PIK3R4: variants seen among roughly 807,000 people sequenced by gnomAD.
The protein encoded by PIK3R4 is phosphoinositide 3-kinase regulatory subunit 4.
PIK3R4 carries 46 observed loss-of-function variants against 136.5 expected under a neutral mutation model. That is an observed-to-expected ratio of 0.34 (90% CI 0.27 to 0.43). The LOEUF is 0.43. PIK3R4 is among the 20% of genes least tolerant of loss of function. The pLI is 1.00. For missense variants in PIK3R4, 1,331 were observed against 1,649.5 expected (o/e 0.81, Z 3.35); for synonymous variants, 557 against 566.7 (o/e 0.98, Z 0.24).
intron 2 of PIK3R4, among the ~76,000 whole-genome samples, chr3:130,744,206 T>A (rs978912521): frequency 3.3e-5 from 5 of 152,218 alleles, no homozygotes; most frequent in African/African-American, 1.2e-4. Context: ...GAAAATATAT[T>A]ATCCACCAAT....
At position 130,716,454 on chromosome 3, in the gene PIK3R4, T is replaced by A; in HGVS notation, c.2273A>T (p.Asp758Val). The change falls in exon 9 of 20, where the codon GAC becomes GTC. Residue 758 changes from aspartate (D) to valine (V), a missense_variant. Coordinates refer to ENST00000356763, the MANE Select transcript of PIK3R4 (RefSeq NM_014602.3). ...GGCAGGATCCTCTGGCGGAGGGCAG[T>A]CGGGAAGAGAACCATTTCGTTTCTT... ...RQKKRNGSLP[D>V]CPPPEDPAIA... 1 of 1,614,168 alleles carries A rather than the reference T, an allele frequency of 6.2e-7. No individual in the cohort carries two copies. The highest frequency in any genetic ancestry group is 8.5e-7 in the Non-Finnish European group (1 of 1,180,030).
Position 130,710,944 on chromosome 3 carries a change from T to C in PIK3R4, c.2332-2452A>G, listed in dbSNP as rs2066629496. Among the ~76,000 whole-genome samples the C allele has an allele frequency of 2.2e-5, 3 of 138,480 alleles. No individual in the cohort carries two copies. The South Asian group carries it at 6.8e-4, about 31-fold the overall frequency. The allele number at this position is 138,480 out of a possible 152,430, so 90.8% of individuals were successfully genotyped here. A position where few individuals can be genotyped will look rare whatever the true frequency, so the allele number is the denominator to read the frequency against. On this transcript the variant is annotated intron_variant, in intron 9 of 19. Transcript: ENST00000356763. ...ATGGAAAATGTGTAAGAATCAAGGA[T>C]AGCCAAGAAACTCTTGAAAAAGAAA...
chr3:130,679,776 A>C (rs2066444354), intron 19 of PIK3R4, among the ~76,000 whole-genome samples: 1 of 152,178 alleles, frequency 6.6e-6, no homozygotes. Flanking sequence ...AAGGGATAGA[A>C]TATAATTAAA....
At chr3:130,680,847 ATACCATTGGT>A in intron 18 of PIK3R4, 120 bp downstream of exon 18, 1 of 762,244 alleles carries the variant, frequency 1.3e-6, no homozygotes, top group Non-Finnish European at 2.2e-6. Flanking sequence ...ATAGAACAGC[ATACCATTGGT>A]TACAAATAAA....
intron 13 of PIK3R4, among the ~76,000 whole-genome samples, chr3:130,694,730 A>T (rs190386362): frequency 6.6e-6 from 1 of 152,242 alleles, no homozygotes. Context: ...GGCTACTAAC[A>T]GAAAGTTTTA....
chr3:130,729,862 T>C (rs2066752719), intron 5 of PIK3R4, among the ~76,000 whole-genome samples: 1 of 152,204 alleles, frequency 6.6e-6, no homozygotes, highest in Non-Finnish European at 1.5e-5. Context: ...ACAAGGACTT[T>C]GACATCAATA....
chr3:130,709,145 C>T (rs1011694329), intron 9 of PIK3R4, among the ~76,000 whole-genome samples: 1 of 152,124 alleles, frequency 6.6e-6, no homozygotes, highest in Non-Finnish European at 1.5e-5. Flanking sequence ...AAGATAATTA[C>T]TGGCACCCAT....
chr3:130,690,674 A>C lies in PIK3R4; in HGVS notation c.3099-20T>G. ...ATAGATCTGAATGAAAGAAAAATAA[A>C]ATTCATTTATGAACCAATGTCACTG... On this transcript the variant is annotated intron_variant, in intron 13 of 19. Coordinates refer to ENST00000356763, the MANE Select transcript of PIK3R4 (RefSeq NM_014602.3). 6.6e-7 allele frequency: 1 copy of C among 1,524,276 alleles called. No individual in the cohort carries two copies. Among genetic ancestry groups the C allele is most frequent in the Non-Finnish European group, 9.0e-7 (1 of 1,111,460 alleles). The allele number at this position is 1,524,276 out of a possible 1,614,324, so 94.4% of individuals were successfully genotyped here. A position where few individuals can be genotyped will look rare whatever the true frequency, so the allele number is the denominator to read the frequency against.
At chr3:130,719,425 C>T (rs2107613820) in intron 7 of PIK3R4, among the ~76,000 whole-genome samples, 1 of 152,222 alleles carries the variant, frequency 6.6e-6, no homozygotes, top group Admixed American at 6.5e-5. Context: ...CAATCATAGG[C>T]TAATAATACT....
intron 9 of PIK3R4, among the ~76,000 whole-genome samples, chr3:130,712,476 C>A (rs918114547): frequency 6.6e-6 from 1 of 151,994 alleles, no homozygotes; most frequent in Admixed American, 6.6e-5. Context: ...CATGACCAGC[C>A]TGACCAACAT....
At chr3:130,731,357 G>GT (rs2066759229) in intron 4 of PIK3R4, among the ~76,000 whole-genome samples, 1 of 151,878 alleles carries the variant, frequency 6.6e-6, no homozygotes, top group Non-Finnish European at 1.5e-5. Flanking sequence ...CCTTATGGCA[G>GT]TTGAGATCTT....
chr3:130,723,678 C>T, intron 6 of PIK3R4, 91 bp from the exon 7 acceptor site: 1 of 1,040,236 alleles, frequency 9.6e-7, no homozygotes, highest in Non-Finnish European at 1.4e-6. Flanking sequence ...AAAAGCCAAA[C>T]ATATTAATCA....
chr3:130,708,324 C>A lies in PIK3R4; in HGVS notation c.2500G>T (p.Val834Phe), dbSNP rs151220675. 1 of 1,613,770 alleles carries A rather than the reference C, an allele frequency of 6.2e-7. No individual in the cohort carries two copies. The highest frequency in any genetic ancestry group is 8.5e-7 in the Non-Finnish European group (1 of 1,179,742). ...LGITGRQVDL[V>F]KTKQEPDDKR... The stretch of plus-strand genomic sequence containing the variant: ...TCATCTGGTTCTTGTTTGGTTTTAA[C>A]AAGATCAACTTGTCTCCCAGTTATG... Residue 834 changes from valine to phenylalanine, a missense_variant, in exon 10 of 20, where the codon GTT (valine) becomes TTT (phenylalanine). By Grantham distance (50) the Val-to-Phe change is conservative. Coordinates refer to ENST00000356763, the MANE Select transcript of PIK3R4 (RefSeq NM_014602.3).
chr3:130,735,822 C>T (rs771266475), intron 3 of PIK3R4, 47 bp downstream of exon 3: 1 of 1,550,492 alleles, frequency 6.4e-7, no homozygotes, highest in Non-Finnish European at 8.7e-7. Context: ...AAAGTGGGAA[C>T]TAGATCCTAT....
At chr3:130,697,062 G>GTT (rs1559821992) in intron 13 of PIK3R4, among the ~76,000 whole-genome samples, 1 of 96,344 alleles carries the variant, frequency 1.0e-5, no homozygotes, top group African/African-American at 3.7e-5. Flanking sequence ...GGCCACTCCA[G>GTT]CTTTTTTTTT....
At chr3:130,735,637 G>T (rs1430144006) in intron 3 of PIK3R4, among the ~76,000 whole-genome samples, 2 of 152,100 alleles carry the variant, frequency 1.3e-5, no homozygotes, top group African/African-American at 2.4e-5. Flanking sequence ...AGATTATAGT[G>T]GGAAAATAGA....
In PIK3R4 at chr3:130,723,844, A is replaced by C. The variant is rs2066717177; in HGVS notation, c.1808-257T>G. ...AAATATAGGTCTCCTAAAAAGGAAG[A>C]AGAATCAGACTGTAATTATATAATC... On this transcript the variant is annotated intron_variant, in intron 6 of 19. Transcript: ENST00000356763. 6 of 313,072 alleles carry C rather than the reference A, an allele frequency of 1.9e-5. 1 individual carries two copies. The South Asian group carries it at 5.0e-4, about 26-fold the overall frequency. The allele number at this position is 313,072 out of a possible 1,614,324, so 19.4% of individuals were successfully genotyped here. A position where few individuals can be genotyped will look rare whatever the true frequency, so the allele number is the denominator to read the frequency against.
rs764126488 is a variant in PIK3R4, at chr3:130,745,096, A to G, written c.123T>C (p.Ala41=). ...CCAGGCCTTCTCGGTGCTTGGCTCG[A>G]GCAACTTTAAAAAACCGAGTACTCC... ...SLGSTRFFKV[A]RAKHREGLVV... The change falls in exon 2 of 20, where the codon GCT becomes GCC. Residue 41 remains alanine, a synonymous_variant. Coordinates refer to ENST00000356763, the MANE Select transcript of PIK3R4 (RefSeq NM_014602.3). 12 of 1,613,750 alleles carry G rather than the reference A, an allele frequency of 7.4e-6. No individual in the cohort carries two copies. In the African/African-American group the frequency reaches 1.3e-4, roughly 18 times the overall value.
chr3:130,679,974 G>A (rs1003000115), intron 19 of PIK3R4, among the ~76,000 whole-genome samples: 28 of 150,492 alleles, frequency 1.9e-4, no homozygotes, highest in African/African-American at 6.9e-4. Flanking sequence ...TCCTCAGGAG[G>A]CTGAGGCAGG....
Sources: gnomAD v4.1 joint callset for allele counts (sites outside exome capture counted in the v4.1 genomes callset) on GRCh38, gnomAD v4.1.1 for gene constraint, MANE v1.5 for transcripts, NCBI Gene and HGNC (gene_info 2026-07-23, HGNC 2026-07-21) for gene names.